The following DHX40 variants were observed in gnomAD, a reference collection of about 807,000 sequenced individuals.
DHX40 encodes the protein probable ATP-dependent RNA helicase DHX40.
A neutral mutation model predicts 89.6 loss-of-function variants in DHX40; 28 were observed. That is an observed-to-expected ratio of 0.31 (90% CI 0.23 to 0.43). The LOEUF (loss-of-function observed/expected upper bound fraction) is 0.43. Among genes scored for constraint, DHX40 ranks in the 20% least tolerant of loss-of-function variants. The pLI, the probability that DHX40 is intolerant of heterozygous loss-of-function variation, is 1.00. For missense variants in DHX40, 457 were observed against 844.0 expected, an observed-to-expected ratio of 0.54 and a Z score of 5.68; for synonymous variants, 226 against 283.6, an observed-to-expected ratio of 0.80 and a Z score of 2.04.
chr17:59,566,268 T>G (rs1439282232), intron 1 of DHX40, among the ~76,000 whole-genome samples: 2 of 152,202 alleles, frequency 1.3e-5, no homozygotes, highest in Non-Finnish European at 2.9e-5. Context: ...CAGCTGAGAA[T>G]TTTCTGCTGT....
intron 16 of DHX40, 45 bp from the exon 17 acceptor site, chr17:59,605,401 G>A: frequency 6.4e-7 from 1 of 1,565,564 alleles, no homozygotes; most frequent in Non-Finnish European, 8.7e-7. Context: ...TGTGGAATAG[G>A]GCAGGTTATT....
intron 14 of DHX40, 37 bp from the exon 15 acceptor site, chr17:59,602,485 T>C (rs1304036362): frequency 4.0e-6 from 6 of 1,500,540 alleles, no homozygotes; most frequent in Non-Finnish European, 5.5e-6. Context: ...CAAATTGTAC[T>C]ATGAGATTTA....
chr17:59,590,301 A>G (rs564238246), intron 12 of DHX40, among the ~76,000 whole-genome samples: 7 of 149,008 alleles, frequency 4.7e-5, no homozygotes, highest in Non-Finnish European at 7.4e-5. Flanking sequence ...GCAGCCAGAC[A>G]ACAGAATGGG....
At chr17:59,570,168 TTA>T (rs1399624678) in intron 2 of DHX40, among the ~76,000 whole-genome samples, 1 of 125,704 alleles carries the variant, frequency 8.0e-6, no homozygotes, top group Non-Finnish European at 1.6e-5. Flanking sequence ...ATATAATATG[TTA>T]TATATTAATA....
At chr17:59,606,850 G>A (rs2030891432) in intron 17 of DHX40, among the ~76,000 whole-genome samples, 183 bp from the exon 18 acceptor site, 1 of 151,696 alleles carries the variant, frequency 6.6e-6, no homozygotes, top group South Asian at 2.1e-4. Flanking sequence ...CTGACTCATT[G>A]GCCTTGGTGC....
chr17:59,569,770 G>A (rs2048765882), intron 2 of DHX40, among the ~76,000 whole-genome samples: 1 of 141,788 alleles, frequency 7.1e-6, no homozygotes, highest in South Asian at 2.1e-4. Context: ...TTTTGGCTGG[G>A]CGTGGTGTCT....
At chr17:59,568,529 A>G (rs2048740821) in intron 2 of DHX40, among the ~76,000 whole-genome samples, 1 of 152,084 alleles carries the variant, frequency 6.6e-6, no homozygotes, top group Non-Finnish European at 1.5e-5. Context: ...GTGTTTTCCT[A>G]TACATACATA....
At position 59,565,668 on chromosome 17, in the gene DHX40, G is replaced by T; in HGVS notation, c.-4G>T. 1 of 1,599,798 alleles carries T rather than the reference G, an allele frequency of 6.3e-7. No individual in the cohort carries two copies. Reference sequence around the variant, plus strand: ...CGTGCTCGCCTCCACTCGGGGCCAGGTCTATGTCCCGGTTTCCCGCAGTCG... The same window carrying T: ...CGTGCTCGCCTCCACTCGGGGCCAGTTCTATGTCCCGGTTTCCCGCAGTCG... On this transcript the variant is annotated 5_prime_UTR_variant, in exon 1 of 18. Transcript: ENST00000251241.
intron 11 of DHX40, among the ~76,000 whole-genome samples, chr17:59,587,293 A>G (rs2049013603): frequency 6.6e-6 from 1 of 150,760 alleles, no homozygotes; most frequent in African/African-American, 2.4e-5. Context: ...GTGCAATCTC[A>G]CCTCACTGCA....
At chr17:59,586,664 T>G (rs2049001376) in intron 11 of DHX40, among the ~76,000 whole-genome samples, 1 of 149,062 alleles carries the variant, frequency 6.7e-6, no homozygotes. Flanking sequence ...AAACTCCATC[T>G]GAAAAAAAAA....
At chr17:59,565,805 G>C in intron 1 of DHX40, 22 bp downstream of exon 1, 1 of 1,577,194 alleles carries the variant, frequency 6.3e-7, no homozygotes, top group Non-Finnish European at 8.6e-7. Context: ...GGGACGGTAC[G>C]GAAGCCAGCG....
chr17:59,574,745 A>G (rs2048857447), intron 6 of DHX40, among the ~76,000 whole-genome samples: 2 of 151,860 alleles, frequency 1.3e-5, no homozygotes, highest in African/African-American at 4.8e-5. Flanking sequence ...ACATTTCACC[A>G]GGTTCTTCTT....
chr17:59,599,828 C>CTTT (rs1299556546), intron 14 of DHX40, among the ~76,000 whole-genome samples: 16 of 143,892 alleles, frequency 1.1e-4, no homozygotes, highest in African/African-American at 3.1e-4. Flanking sequence ...TCCCCCCCAC[C>CTTT]TTTTTTTTTT....
At chr17:59,588,732 C>T (rs942645821) in intron 12 of DHX40, among the ~76,000 whole-genome samples, 1 of 152,144 alleles carries the variant, frequency 6.6e-6, no homozygotes, top group Admixed American at 6.5e-5. Context: ...GGTTTATCTT[C>T]TAATTGTTTT....
At chr17:59,569,642 C>T (rs7217188) in intron 2 of DHX40, among the ~76,000 whole-genome samples, 8,391 of 144,452 alleles carry the variant, frequency 0.058, 705 homozygotes, top group African/African-American at 0.19. Context: ...GCCGAGATCG[C>T]GCCACTGCAT....
At chr17:59,593,498 C>T (rs1311682052) in intron 12 of DHX40, among the ~76,000 whole-genome samples, 1 of 42,866 alleles carries the variant, frequency 2.3e-5, no homozygotes, top group Non-Finnish European at 4.5e-5. Flanking sequence ...ATTTTTGAGA[C>T]GGAGTCTTGC....
intron 1 of DHX40, 21 bp downstream of exon 1, chr17:59,565,804 C>A (rs771465794): frequency 1.3e-6 from 2 of 1,574,690 alleles, no homozygotes; most frequent in Admixed American, 1.7e-5. Context: ...CGGGACGGTA[C>A]GGAAGCCAGC....
intron 15 of DHX40, chr17:59,603,509 C>G (rs1438326803): frequency 6.6e-6 from 1 of 152,002 alleles, no homozygotes; most frequent in Non-Finnish European, 1.5e-5. Context: ...AGGTTGAGGC[C>G]ACGTCAGAAG....
chr17:59,589,346 C>T (rs1029533293), intron 12 of DHX40, among the ~76,000 whole-genome samples: 4 of 150,672 alleles, frequency 2.7e-5, no homozygotes, highest in Admixed American at 6.6e-5. Context: ...CTCAGCCTCC[C>T]GAGTAGCTGG....
Sources: allele counts gnomAD v4.1 joint callset (sites outside exome capture counted in the v4.1 genomes callset), GRCh38; gene constraint gnomAD v4.1.1; transcripts MANE v1.5; gene names NCBI Gene and HGNC (gene_info 2026-07-23, HGNC 2026-07-21).